PIR: variants seen among roughly 807,000 people sequenced by gnomAD.
PIR encodes the protein pirin (iron-binding nuclear protein).
A neutral mutation model predicts 24.2 loss-of-function variants in PIR; 22 were observed. The ratio of observed to expected loss-of-function variants is 0.91; its 90% CI spans 0.65 to 1.30. The LOEUF (loss-of-function observed/expected upper bound fraction) is 1.30. Among genes scored for constraint, PIR ranks in the 50% most tolerant of loss-of-function variants. The probability of loss-of-function intolerance (pLI) is 0.00; values close to 1 mark genes in which losing one functional copy is unlikely to be tolerated. For missense variants in PIR, 220 were observed against 220.3 expected (o/e 1.00, Z 0.01); for synonymous variants, 80 against 79.6 (o/e 1.00, Z -0.03).
intron 8 of PIR, among the ~76,000 whole-genome samples, chrX:15,392,004 C>T (rs896660177): frequency 1.8e-5 from 2 of 111,111 alleles, no homozygotes; most frequent in African/African-American, 6.5e-5. Context: ...GCAAATGCTC[C>T]CTCTCTGGGA....
intron 2 of PIR, among the ~76,000 whole-genome samples, chrX:15,484,306 CTTTTTTTTTTTTTT>C (rs1193474348): frequency 1.1e-3 from 73 of 67,488 alleles, no homozygotes; most frequent in Non-Finnish European, 8.9e-4. Flanking sequence ...TCTCAATTTT[CTTTTTTTTTTTTTT>C]TTTTTTTTTT....
chrX:15,488,338 CTT>C (rs1922980231), intron 2 of PIR, among the ~76,000 whole-genome samples: 1 of 104,552 alleles, frequency 9.6e-6, no homozygotes, highest in African/African-American at 3.5e-5. Flanking sequence ...AAAGTAATCT[CTT>C]GATGTTAGAC....
chrX:15,408,688 G>A (rs1924627399), intron 6 of PIR, among the ~76,000 whole-genome samples: 1 of 111,810 alleles, frequency 8.9e-6, no homozygotes, highest in Non-Finnish European at 1.9e-5. Context: ...CCCTCCATGT[G>A]CCTTCAGTGG....
At chrX:15,479,948 G>T in intron 2 of PIR, 127 bp from the exon 3 acceptor site, 1 of 350,287 alleles carries the variant, frequency 2.9e-6, no homozygotes. Flanking sequence ...TTTTTACAAT[G>T]AAAATTGCTT....
intron 5 of PIR, among the ~76,000 whole-genome samples, chrX:15,435,039 C>T (rs12846390): frequency 0.018 from 2,040 of 110,641 alleles, 21 homozygotes; most frequent in Non-Finnish European, 0.03. Flanking sequence ...GATGAAACCC[C>T]GTCTCTACTA....
chrX:15,434,162 G>GAGGAGGA, intron 5 of PIR, among the ~76,000 whole-genome samples: 1 of 89,796 alleles, frequency 1.1e-5, no homozygotes. Context: ...AAAGAAGAAG[G>GAGGAGGA]AGGAGAAAGA....
At chrX:15,399,294 CA>C (rs1307343220) in intron 7 of PIR, among the ~76,000 whole-genome samples, 1 of 112,630 alleles carries the variant, frequency 8.9e-6, no homozygotes, top group East Asian at 2.8e-4. Context: ...ATTATGTAAA[CA>C]GAAACATAAT....
chrX:15,436,275 C>T (rs930282649), intron 5 of PIR, among the ~76,000 whole-genome samples: 4 of 111,832 alleles, frequency 3.6e-5, no homozygotes, highest in Non-Finnish European at 5.6e-5. Context: ...TACTCTTGTC[C>T]TTCTCTTTCT....
intron 3 of PIR, among the ~76,000 whole-genome samples, chrX:15,477,848 T>C (rs1262805917): frequency 8.9e-6 from 1 of 111,976 alleles, no homozygotes; most frequent in Admixed American, 9.5e-5. Flanking sequence ...GCACCACAGG[T>C]ACTGATTTGG....
chrX:15,432,605 C>A (rs917614749), intron 5 of PIR, among the ~76,000 whole-genome samples: 1 of 111,900 alleles, frequency 8.9e-6, no homozygotes, highest in Non-Finnish European at 1.9e-5. Flanking sequence ...GTTGCTGGAG[C>A]GAATGACATA....
In PIR at chrX:15,413,216, T is replaced by C. The variant is rs140839301; in HGVS notation, c.566-5666A>G. On this transcript the variant is annotated intron_variant, in intron 6 of 9. Coordinates refer to ENST00000380420, the MANE Select transcript of PIR (RefSeq NM_001018109.3). ...TTCCACTTTCCTTCAAATCTGTGCA[T>C]GTGGAGACGTTACACAATTCTGATG... Among the ~76,000 whole-genome samples the C allele has an allele frequency of 4.7e-3, 523 of 111,681 alleles. 2 individuals carry two copies. The highest frequency in any genetic ancestry group is 0.016 in the African/African-American group (503 of 30,742).
Position 15,407,540 on chromosome X carries a change from G to A in PIR, c.576C>T (p.Ser192=). The A allele has an allele frequency of 2.5e-6, 3 of 1,200,459 alleles. No homozygotes were observed. The highest frequency in any genetic ancestry group is 3.4e-6 in the Non-Finnish European group (3 of 885,205). ...CATCTCCAGATATCGTGTAAATGAA[G>A]CTTGTCCACCCTGGAAAGGACCAGC... ...HSQPIPKGWT[S]FIYTISGDVY... is the part of the protein sequence containing the mutation. The change falls in exon 7 of 10, where the codon AGC becomes AGT. Residue 192 remains serine (S), a synonymous_variant. Coordinates refer to ENST00000380420, the MANE Select transcript of PIR (RefSeq NM_001018109.3).
chrX:15,400,545 G>A lies in PIR; in HGVS notation c.611-3014C>T, dbSNP rs192630620. Reference sequence around the variant, plus strand: ...TGGTATTTCTCTGCACCCCCTATCAGGGGAGCTTGCTTGACTATGGTGTTC... The same window carrying A: ...TGGTATTTCTCTGCACCCCCTATCAAGGGAGCTTGCTTGACTATGGTGTTC... On this transcript the variant is annotated intron_variant, in intron 7 of 9. Transcript: ENST00000380420. Among the ~76,000 whole-genome samples the A allele has an allele frequency of 7.2e-5, 8 of 110,936 alleles. 1 individual carries two copies. The highest frequency in any genetic ancestry group is 3.8e-4 in the Admixed American group (4 of 10,407).
chrX:15,477,081 T>A (rs1182001654), intron 3 of PIR, among the ~76,000 whole-genome samples: 3 of 112,058 alleles, frequency 2.7e-5, no homozygotes, highest in Non-Finnish European at 5.6e-5. Context: ...TGAGCTAACA[T>A]CACAGGTGAT....
chrX:15,385,424 A>G (rs765656381), intron 9 of PIR, among the ~76,000 whole-genome samples: 4 of 112,023 alleles, frequency 3.6e-5, no homozygotes, highest in African/African-American at 6.5e-5. Context: ...ATTTGGTTCT[A>G]TTACAACCAA....
At chrX:15,408,959 AAC>A (rs1407607394) in intron 6 of PIR, among the ~76,000 whole-genome samples, 1 of 112,106 alleles carries the variant, frequency 8.9e-6, no homozygotes, top group African/African-American at 3.2e-5. Context: ...TGGCAAAACA[AAC>A]ACACATGAGC....
In PIR at chrX:15,426,863, T is replaced by C. The variant is rs1251270577; in HGVS notation, c.481-873A>G. 3.6e-5 allele frequency among the ~76,000 whole-genome samples: 4 copies of C among 111,798 alleles called. No homozygotes were observed. The East Asian group carries it at 1.1e-3, about 31-fold the overall frequency. On this transcript the variant is annotated intron_variant, in intron 5 of 9. Coordinates refer to ENST00000380420, the MANE Select transcript of PIR (RefSeq NM_001018109.3). The stretch of plus-strand genomic sequence containing the variant: ...AGCACAGACGAATATATGCATAATC[T>C]ATGACCCAATATTCCAACTCATAGG...
At chrX:15,410,602 G>GT (rs1359611250) in intron 6 of PIR, among the ~76,000 whole-genome samples, 7 of 110,917 alleles carry the variant, frequency 6.3e-5, no homozygotes, top group Non-Finnish European at 9.5e-5. Context: ...GCCTAGATCT[G>GT]TTTTTTTTCC....
intron 5 of PIR, among the ~76,000 whole-genome samples, chrX:15,437,557 C>T (rs1925788965): frequency 9.0e-6 from 1 of 111,605 alleles, no homozygotes; most frequent in Non-Finnish European, 1.9e-5. Context: ...GACCATTAGC[C>T]CAAAGAACAC....
Sources: gnomAD v4.1 joint callset for allele counts (sites outside exome capture counted in the v4.1 genomes callset) on GRCh38, gnomAD v4.1.1 for gene constraint, MANE v1.5 for transcripts, NCBI Gene and HGNC (gene_info 2026-07-23, HGNC 2026-07-21) for gene names.